Variants in IGSF10 observed in about 807,000 individuals in gnomAD.
IGSF10 encodes calvaria mechanical force protein 608.
In IGSF10, 126 loss-of-function variants were observed where a neutral mutation model predicts 128.2. The observed-to-expected ratio is 0.98, with a 90% CI of 0.85 to 1.14. The LOEUF is 1.14. Ranked by LOEUF, IGSF10 falls within the 50% of genes most tolerant of loss-of-function variation. The pLI is 0.00. For synonymous variants in IGSF10, 1,185 were observed against 1,146.2 expected, an observed-to-expected ratio of 1.03 and a Z score of -0.68; for missense variants, 3,295 against 3,149.8, an observed-to-expected ratio of 1.05 and a Z score of -1.10.
chr3:151,486,237 T>C, the IGSF10 span, among the ~76,000 whole-genome samples: 6 of 152,132 alleles, frequency 3.9e-5, no homozygotes, highest in Admixed American at 3.3e-4. Context: ...CATTACATGA[T>C]GGTAAAGGGA....
At chr3:151,561,935 T>C in the IGSF10 span, among the ~76,000 whole-genome samples, 1 of 152,204 alleles carries the variant, frequency 6.6e-6, no homozygotes, top group Non-Finnish European at 1.5e-5. Context: ...GCCTTGACGT[T>C]CTTCTGGTCC....
the IGSF10 span, among the ~76,000 whole-genome samples, chr3:151,605,784 G>A: frequency 6.6e-6 from 1 of 152,286 alleles, no homozygotes; most frequent in South Asian, 2.1e-4. Context: ...CCACTCTGTG[G>A]ACAGATAACC....
At chr3:151,552,776 A>C in the IGSF10 span, among the ~76,000 whole-genome samples, 1 of 152,220 alleles carries the variant, frequency 6.6e-6, no homozygotes, top group Non-Finnish European at 1.5e-5. Flanking sequence ...CTTTGCCTAC[A>C]TGCAGAGATA....
chr3:151,467,476 A>G, the IGSF10 span, among the ~76,000 whole-genome samples: 2 of 152,134 alleles, frequency 1.3e-5, no homozygotes, highest in African/African-American at 4.8e-5. Context: ...TATTCACATG[A>G]TATTAGGGCC....
chr3:151,589,931 T>C, the IGSF10 span, among the ~76,000 whole-genome samples: 2 of 152,178 alleles, frequency 1.3e-5, no homozygotes, highest in Non-Finnish European at 2.9e-5. Context: ...GGTGACCAAC[T>C]TTTGCCCTTT....
chr3:151,521,428 T>G, the IGSF10 span, among the ~76,000 whole-genome samples: 1 of 151,774 alleles, frequency 6.6e-6, no homozygotes, highest in Non-Finnish European at 1.5e-5. Flanking sequence ...TGCTGCATGG[T>G]GCATACTGTA....
chr3:151,570,109 C>T, the IGSF10 span, among the ~76,000 whole-genome samples: 1 of 152,122 alleles, frequency 6.6e-6, no homozygotes, highest in African/African-American at 2.4e-5. Context: ...GTATATGTGC[C>T]ACATTTTCTT....
At chr3:151,602,777 T>G in the IGSF10 span, among the ~76,000 whole-genome samples, 1 of 152,194 alleles carries the variant, frequency 6.6e-6, no homozygotes. Context: ...GGAACCTTTC[T>G]GAACATTATT....
At chr3:151,450,018 G>A (rs967075979) in intron 5 of IGSF10, among the ~76,000 whole-genome samples, 1 of 152,158 alleles carries the variant, frequency 6.6e-6, no homozygotes, top group Admixed American at 6.5e-5. Flanking sequence ...CAGGTTTAAG[G>A]GGGAGGGAAG....
the IGSF10 span, among the ~76,000 whole-genome samples, chr3:151,534,166 G>A: frequency 6.6e-6 from 1 of 152,142 alleles, no homozygotes; most frequent in African/African-American, 2.4e-5. Flanking sequence ...AACAGATGCT[G>A]GAGAAGTGGA....
At chr3:151,509,681 C>T in the IGSF10 span, among the ~76,000 whole-genome samples, 730 of 152,298 alleles carry the variant, frequency 4.8e-3, 6 homozygotes, top group African/African-American at 0.017. Context: ...GGCGAGGCAT[C>T]GCCTCACCCG....
At chr3:151,440,498 A>G (rs939554097) in intron 7 of IGSF10, 4 of 455,924 alleles carry the variant, frequency 8.8e-6, no homozygotes, top group Non-Finnish European at 1.8e-5. Flanking sequence ...GGTGCTTTGC[A>G]CTGGTTGTTT....
In IGSF10 at chr3:151,437,467, G is replaced by A. The variant is rs1720442665; in HGVS notation, c.7094C>T (p.Pro2365Leu). 6.2e-7 allele frequency: 1 copy of A among 1,614,152 alleles called. No homozygotes were observed. The highest frequency in any genetic ancestry group is 8.5e-7 in the Non-Finnish European group (1 of 1,180,036). Residue 2365 changes from proline to leucine, a missense_variant, in exon 8 of 8, where the codon CCA becomes CTA. Pro to Leu is a moderately conservative substitution (Grantham distance 98). Coordinates refer to ENST00000282466, the MANE Select transcript of IGSF10 (RefSeq NM_178822.5). ...TAAAATCCAGATTATTTCAGGTGGT[G>A]GGTTACCATCAACAGAGCAATTCAA... Reference protein sequence around the residue: ...TALNCSVDGNPPPEIIWILPN... With the variant: ...TALNCSVDGNLPPEIIWILPN...
rs762281347 is a variant in IGSF10 at position 151,437,723 on chromosome 3, A to AAAT, written c.6835_6837dup (p.Ile2279dup). On this transcript the variant is annotated inframe_insertion, in exon 8 of 8. Coordinates refer to ENST00000282466, the MANE Select transcript of IGSF10 (RefSeq NM_178822.5). ...CTTCCATAGTATGGGGCTGTGAGGA[A>AAAT]AATATTGTCTGGCATGATCCACATG... The AAAT allele has an allele frequency of 1.2e-6, 2 of 1,614,148 alleles. No individual in the cohort carries two copies. Among genetic ancestry groups the AAAT allele is most frequent in the East Asian group, 4.5e-5 (2 of 44,876 alleles).
At chr3:151,458,006 T>C (rs1721879184) in intron 3 of IGSF10, among the ~76,000 whole-genome samples, 1 of 152,178 alleles carries the variant, frequency 6.6e-6, no homozygotes, top group Admixed American at 6.5e-5. Flanking sequence ...CAGACTTTTT[T>C]TTCATGAACG....
At chr3:151,563,764 T>C in the IGSF10 span, among the ~76,000 whole-genome samples, 3 of 152,216 alleles carry the variant, frequency 2.0e-5, no homozygotes, top group Admixed American at 6.5e-5. Flanking sequence ...AAAATTTTGG[T>C]TGAACAAAAG....
chr3:151,551,891 G>C, the IGSF10 span, among the ~76,000 whole-genome samples: 1 of 152,090 alleles, frequency 6.6e-6, no homozygotes, highest in Non-Finnish European at 1.5e-5. Flanking sequence ...TCTTAGCTGT[G>C]ATTCAAACAA....
At chr3:151,555,365 G>T in the IGSF10 span, among the ~76,000 whole-genome samples, 2 of 151,944 alleles carry the variant, frequency 1.3e-5, no homozygotes, top group East Asian at 3.9e-4. Context: ...AGAGGGAATA[G>T]AGAGGAACTA....
At chr3:151,519,039 C>T in the IGSF10 span, among the ~76,000 whole-genome samples, 1 of 151,742 alleles carries the variant, frequency 6.6e-6, no homozygotes, top group South Asian at 2.1e-4. Flanking sequence ...TTAAAAATGC[C>T]AAGAAAATGA....
Sources: gnomAD v4.1 joint callset for allele counts (sites outside exome capture counted in the v4.1 genomes callset) on GRCh38, gnomAD v4.1.1 for gene constraint, MANE v1.5 for transcripts, NCBI Gene and HGNC (gene_info 2026-07-23, HGNC 2026-07-21) for gene names.